The following NAB1 variants were observed in gnomAD, a reference collection of about 807,000 sequenced individuals.
NAB1 encodes NGFI-A binding protein 1, also known as NGFI-A-binding protein 1.
NAB1 carries 25 observed loss-of-function variants against 49.9 expected under a neutral mutation model. That is an observed-to-expected ratio of 0.50 (90% CI 0.37 to 0.70). The LOEUF (loss-of-function observed/expected upper bound fraction) is 0.70. NAB1 is among the 30% of genes least tolerant of loss of function. NAB1 has a pLI of 0.00. For synonymous variants in NAB1, 198 were observed against 215.6 expected (o/e 0.92, Z 0.71); for missense variants, 489 against 575.9 (o/e 0.85, Z 1.54).
At position 190,670,330 on chromosome 2, in the gene NAB1, C is replaced by T; in HGVS notation, c.824C>T (p.Thr275Ile). The T allele has an allele frequency of 6.2e-7, 1 of 1,608,278 alleles. No individual in the cohort carries two copies. Among genetic ancestry groups the T allele is most frequent in the Non-Finnish European group, 8.5e-7 (1 of 1,178,350 alleles). ...AACTCTGTTTTGGATATCCAGCTCA[C>T]TGTTAATGAAGCGGCTGCTCAACTC... Reference protein sequence around the residue: ...DGKHLTLHELTVNEAAAQLCV... With the variant: ...DGKHLTLHELIVNEAAAQLCV... Residue 275 changes from threonine to isoleucine, a missense_variant, in exon 5 of 10, where the codon ACT (threonine) becomes ATT (isoleucine). Physicochemically the swap from Thr to Ile is moderately conservative, Grantham distance 89 (BLOSUM62 -1). Coordinates refer to ENST00000337386, the MANE Select transcript of NAB1 (RefSeq NM_005966.4). The surrounding 1 kb of genome is among the most constrained non-coding windows in gnomAD (Gnocchi z 5.3).
Position 190,692,531 on chromosome 2 carries a change from A to T in NAB1, c.*2198A>T, listed in dbSNP as rs1291833471. The stretch of plus-strand genomic sequence containing the variant: ...ATATATATTTTTATTTGAATTGTAT[A>T]TGTGAATTGGAAGTTATAATTAGTT... On this transcript the variant is annotated 3_prime_UTR_variant, in exon 10 of 10. Transcript: ENST00000337386. The surrounding 1 kb of genome is among the most constrained non-coding windows in gnomAD (Gnocchi z 5.2). The T allele has an allele frequency of 6.6e-6, 1 of 152,658 alleles. No homozygotes were observed. The highest frequency in any genetic ancestry group is 1.5e-5 in the Non-Finnish European group (1 of 68,040). The allele number at this position is 152,658 out of a possible 1,614,324, so 9.5% of individuals were successfully genotyped here. A position where few individuals can be genotyped will look rare whatever the true frequency, so the allele number is the denominator to read the frequency against.
rs958832804 is a variant in NAB1 at position 190,659,411 on chromosome 2, C to G, written c.235C>G (p.Pro79Ala). ...QKALRDWVTN[P>A]GLFNQPLTSL... ...GGCTTTGAGAGACTGGGTCACAAAC[C>G]CTGGGCTTTTCAATCAGCCACTGAC... Residue 79 changes from proline (P) to alanine (A), a missense_variant, in exon 4 of 10, where the codon CCT becomes GCT. Physicochemically the swap from Pro to Ala is conservative, Grantham distance 27. Around this residue, in one of 4 missense-constraint regions of NAB1, gnomAD observed 204 missense variants for 220.9 expected, o/e 0.92. Coordinates refer to ENST00000337386, the MANE Select transcript of NAB1 (RefSeq NM_005966.4). The surrounding 1 kb of genome is among the most constrained non-coding windows in gnomAD (Gnocchi z 6.2). The G allele has an allele frequency of 2.5e-6, 4 of 1,614,084 alleles. No individual in the cohort carries two copies. Among genetic ancestry groups the G allele is most frequent in the South Asian group, 1.1e-5 (1 of 91,080 alleles).
At chr2:190,665,507 T>C (rs1438726834) in intron 4 of NAB1, among the ~76,000 whole-genome samples, 1 of 152,220 alleles carries the variant, frequency 6.6e-6, no homozygotes, top group Non-Finnish European at 1.5e-5. Context: ...GATTTTGCTG[T>C]CTGTTGTTTC....
chr2:190,664,728 G>A (rs1694423890), intron 4 of NAB1, among the ~76,000 whole-genome samples: 1 of 148,272 alleles, frequency 6.7e-6, no homozygotes, highest in Non-Finnish European at 1.5e-5. Context: ...CACCACACCT[G>A]GTCTATTCCT....
At chr2:190,672,962 A>G in intron 5 of NAB1, 139 bp from the exon 6 acceptor site, 1 of 708,590 alleles carries the variant, frequency 1.4e-6, no homozygotes, top group South Asian at 1.7e-5. Flanking sequence ...TATTTTAATG[A>G]TCATTATGAA....
rs1453830343 is a variant in NAB1 at position 190,686,690 on chromosome 2, A to C, written c.1259-511A>C. On this transcript the variant is annotated intron_variant, in intron 8 of 9. Coordinates refer to ENST00000337386, the MANE Select transcript of NAB1 (RefSeq NM_005966.4). The surrounding 1 kb of genome is among the most constrained non-coding windows in gnomAD (Gnocchi z 5.5). ...CAGGATAATTCAGTGTGGGGTGACA[A>C]TTTGCTAATGTGATGGATTTCAGTA... is the stretch of plus-strand genomic sequence containing the variant. Among the ~76,000 whole-genome samples, 1 of 152,126 alleles carries C rather than the reference A, an allele frequency of 6.6e-6. No homozygotes were observed. Among genetic ancestry groups the C allele is most frequent in the African/African-American group, 2.4e-5 (1 of 41,424 alleles).
intron 6 of NAB1, among the ~76,000 whole-genome samples, chr2:190,683,440 C>T (rs1056943016): frequency 1.3e-5 from 2 of 151,460 alleles, no homozygotes; most frequent in African/African-American, 2.4e-5. Flanking sequence ...GCCACTGCAC[C>T]CAGCCTAGGT....
chr2:190,664,355 T>G (rs1240867472), intron 4 of NAB1, among the ~76,000 whole-genome samples: 1 of 151,872 alleles, frequency 6.6e-6, no homozygotes, highest in Non-Finnish European at 1.5e-5. Flanking sequence ...ATATCTTTTT[T>G]TTTTTTGGAG....
At position 190,670,109 on chromosome 2, in the gene NAB1, C is replaced by T. The variant is rs1043840230; in HGVS notation, c.820-217C>T. On this transcript the variant is annotated intron_variant, in intron 4 of 9. Transcript: ENST00000337386. This position sits in a 1 kb window ranked among gnomAD's most constrained non-coding sequence, Gnocchi z 5.3. ...ATATAAATAAATAAAATCAAGATGA[C>T]TATTATGATTAATTTGGGCTCTGTG... 6.6e-6 allele frequency among the ~76,000 whole-genome samples: 1 copy of T among 152,012 alleles called. No homozygotes were observed. Among genetic ancestry groups the T allele is most frequent in the Non-Finnish European group, 1.5e-5 (1 of 68,010 alleles).
chr2:190,688,792 C>CTTCCTTTCTTTCCTTTCT (rs1247899775), intron 9 of NAB1, among the ~76,000 whole-genome samples: 1 of 149,156 alleles, frequency 6.7e-6, no homozygotes, highest in Admixed American at 6.7e-5. Context: ...CCTTTCTTTC[C>CTTCCTTTCTTTCCTTTCT]TTCCTTTCTT....
In NAB1 at chr2:190,676,712, G is replaced by A. The variant is rs1695091137; in HGVS notation, c.1005+3560G>A. On this transcript the variant is annotated intron_variant, in intron 6 of 9. Coordinates refer to ENST00000337386, the MANE Select transcript of NAB1 (RefSeq NM_005966.4). This position sits in a 1 kb window ranked among gnomAD's most constrained non-coding sequence, Gnocchi z 4.6. Reference sequence around the variant, plus strand: ...AAAGGAAAAAAAGTTTTTAAGTAACGTACAAATAAACTTAAGCTTAGCCCA... The same window carrying A: ...AAAGGAAAAAAAGTTTTTAAGTAACATACAAATAAACTTAAGCTTAGCCCA... 6.6e-6 allele frequency among the ~76,000 whole-genome samples: 1 copy of A among 152,152 alleles called. No individual in the cohort carries two copies. Among genetic ancestry groups the A allele is most frequent in the Non-Finnish European group, 1.5e-5 (1 of 68,030 alleles).
intron 4 of NAB1, among the ~76,000 whole-genome samples, chr2:190,665,235 A>G (rs1488621400): frequency 6.6e-6 from 1 of 151,802 alleles, no homozygotes; most frequent in Non-Finnish European, 1.5e-5. Flanking sequence ...AGGCAGGAGA[A>G]TGGCGTGAAC....
In NAB1 at chr2:190,662,272, A is replaced by G. The variant is rs181852800; in HGVS notation, c.819+2277A>G. On this transcript the variant is annotated intron_variant, in intron 4 of 9. Transcript: ENST00000337386. ...GTTTTTTTCAACTGTTCAAGTACAT[A>G]AGATTATTTTTCTTGTAAGAAGAAG... Among the ~76,000 whole-genome samples the G allele has an allele frequency of 2.6e-4, 39 of 152,330 alleles. No individual in the cohort carries two copies. In the East Asian group the frequency reaches 2.7e-3, roughly 11 times the overall value.
rs1329583008 is a variant in NAB1 at position 190,690,341 on chromosome 2, T to A, written c.*8T>A. 2 of 1,589,762 alleles carry A rather than the reference T, an allele frequency of 1.3e-6. No homozygotes were observed. The highest frequency in any genetic ancestry group is 1.7e-6 in the Non-Finnish European group (2 of 1,159,368). On this transcript the variant is annotated 3_prime_UTR_variant, in exon 10 of 10. Transcript: ENST00000337386. ...CCTGAAGATTCAAGATAGCTGTGAT[T>A]TCTCTCACCGTTCTCTGGAAATGGC...
At position 190,686,502 on chromosome 2, in the gene NAB1, A is replaced by G. The variant is rs1033328298; in HGVS notation, c.1259-699A>G. On this transcript the variant is annotated intron_variant, in intron 8 of 9. Coordinates refer to ENST00000337386, the MANE Select transcript of NAB1 (RefSeq NM_005966.4). The surrounding 1 kb of genome is among the most constrained non-coding windows in gnomAD (Gnocchi z 5.5). ...TTCTCCAGCCATGGACTGAAATATT[A>G]CATGTGTCAACACATCAGAGTACTG... Among the ~76,000 whole-genome samples the G allele has an allele frequency of 2.0e-5, 3 of 152,366 alleles. No individual in the cohort carries two copies. Among genetic ancestry groups the G allele is most frequent in the Admixed American group, 2.0e-4 (3 of 15,308 alleles).
Position 190,683,741 on chromosome 2 carries a change from G to A in NAB1, c.1009G>A (p.Gly337Arg). 6.2e-7 allele frequency: 1 copy of A among 1,611,360 alleles called. No individual in the cohort carries two copies. Among genetic ancestry groups the A allele is most frequent in the Non-Finnish European group, 8.5e-7 (1 of 1,178,742 alleles). The change falls in exon 7 of 10, where the codon GGG becomes AGG. Residue 337 changes from glycine (G) to arginine (R), a missense_variant. Transcript: ENST00000337386. ...LSPKRIKVED[G>R]FPDFQDSVQT... ...GGACTTCTTATTTGACCCACAGGAT[G>A]GGTTTCCAGATTTCCAGGATTCTGT... is the stretch of plus-strand genomic sequence containing the variant.
At chr2:190,671,490 G>A (rs116300865) in intron 5 of NAB1, among the ~76,000 whole-genome samples, 5 of 147,384 alleles carry the variant, frequency 3.4e-5, no homozygotes, top group Middle Eastern at 7.0e-3. Flanking sequence ...TATTTATAAG[G>A]TTTTTTTTTT....
rs763986757 is a variant in NAB1, at chr2:190,687,174, T to C, written c.1259-27T>C. On this transcript the variant is annotated intron_variant, in intron 8 of 9. Coordinates refer to ENST00000337386, the MANE Select transcript of NAB1 (RefSeq NM_005966.4). Reference sequence around the variant, plus strand: ...AAACCATGGTATGTTTTTAATATTATGCATATTTCTTTTTTCTTTTCATTA... The same window carrying C: ...AAACCATGGTATGTTTTTAATATTACGCATATTTCTTTTTTCTTTTCATTA... The C allele has an allele frequency of 2.1e-6, 3 of 1,397,042 alleles. No individual in the cohort carries two copies. In the South Asian group the frequency reaches 4.1e-5, roughly 19 times the overall value. 86.5% of individuals were successfully genotyped at this position (1,397,042 alleles called of 1,614,324 possible).
In NAB1 at chr2:190,679,762, C is replaced by T. The variant is rs769545477; in HGVS notation, c.1006-3976C>T. Among the ~76,000 whole-genome samples the T allele has an allele frequency of 2.0e-5, 3 of 152,146 alleles. No individual in the cohort carries two copies. Among genetic ancestry groups the T allele is most frequent in the Non-Finnish European group, 2.9e-5 (2 of 68,032 alleles). On this transcript the variant is annotated intron_variant, in intron 6 of 9. Coordinates refer to ENST00000337386, the MANE Select transcript of NAB1 (RefSeq NM_005966.4). The surrounding 1 kb of genome is among the most constrained non-coding windows in gnomAD (Gnocchi z 5.3). ...TGAAATGCCTAGATCATACCTTTCT[C>T]CTGCAAGTTCTTCCAGAAACAGTAT...
Sources: gnomAD v4.1 joint callset for allele counts (sites outside exome capture counted in the v4.1 genomes callset) on GRCh38, gnomAD v4.1.1 for gene constraint, gnomAD v4.1.1 regional missense constraint, Gnocchi (gnomAD v3.1) non-coding constraint, MANE v1.5 for transcripts, NCBI Gene and HGNC (gene_info 2026-07-23, HGNC 2026-07-21) for gene names.